The following PLPPR5 variants were observed in gnomAD, a reference collection of about 807,000 sequenced individuals.
PLPPR5 encodes the protein phospholipid phosphatase-related protein type 5.
In PLPPR5, 16 loss-of-function variants were observed where a neutral mutation model predicts 33.9. The observed-to-expected ratio is 0.47, with a 90% confidence interval of 0.32 to 0.72. The LOEUF (loss-of-function observed/expected upper bound fraction) is 0.72, where lower values mean the gene tolerates loss of function less well. Among genes scored for constraint, PLPPR5 ranks in the 30% least tolerant of loss-of-function variants. The pLI, the probability that PLPPR5 is intolerant of heterozygous loss-of-function variation, is 0.03. For missense variants in PLPPR5, 301 were observed against 406.7 expected, an observed-to-expected ratio of 0.74 and a Z score of 2.23; for synonymous variants, 163 against 150.3, an observed-to-expected ratio of 1.08 and a Z score of -0.62.
At chr1:98,969,593 C>A (rs1651582531) in intron 1 of PLPPR5, among the ~76,000 whole-genome samples, 1 of 151,952 alleles carries the variant, frequency 6.6e-6, no homozygotes, top group Admixed American at 6.6e-5. Context: ...TATGGAAGAC[C>A]TATACTTTTC....
At chr1:98,956,124 G>C (rs1341157475) in intron 2 of PLPPR5, among the ~76,000 whole-genome samples, 2 of 151,982 alleles carry the variant, frequency 1.3e-5, no homozygotes, top group South Asian at 4.2e-4. Flanking sequence ...CTTATCCTTC[G>C]TGATGTTCGA....
rs1648230374 is a variant in PLPPR5 at position 98,890,385 on chromosome 1, G to GA, written c.*2686dup. 1 of 152,460 alleles carries GA rather than the reference G, an allele frequency of 6.6e-6. No homozygotes were observed. Among genetic ancestry groups the GA allele is most frequent in the Non-Finnish European group, 1.5e-5 (1 of 67,972 alleles). 9.4% of individuals were successfully genotyped at this position (152,460 alleles called of 1,614,324 possible). On this transcript the variant is annotated 3_prime_UTR_variant, in exon 6 of 6. Transcript: ENST00000263177. ...GATATTTGGCTAGGATAGATCCTGA[G>GA]AAAAGAGAGGCCCAGTTAGAAGTGG...
At chr1:98,964,277 G>A (rs1392449749) in intron 1 of PLPPR5, among the ~76,000 whole-genome samples, 1 of 152,192 alleles carries the variant, frequency 6.6e-6, no homozygotes, top group Non-Finnish European at 1.5e-5. Flanking sequence ...ATGATGAACA[G>A]TGTTAACTGA....
At chr1:98,986,206 G>A (rs146619318) in intron 1 of PLPPR5, among the ~76,000 whole-genome samples, 45 of 151,916 alleles carry the variant, frequency 3.0e-4, no homozygotes, top group Admixed American at 5.3e-4. Flanking sequence ...CTGAACATAT[G>A]TTTAAAGTAT....
chr1:98,966,677 C>T (rs1651460923), intron 1 of PLPPR5, among the ~76,000 whole-genome samples: 1 of 152,102 alleles, frequency 6.6e-6, no homozygotes, highest in Admixed American at 6.6e-5. Context: ...TGGATTTGAT[C>T]CTTTGAGTTG....
intron 5 of PLPPR5, among the ~76,000 whole-genome samples, chr1:98,908,086 G>T (rs1648974791): frequency 1.3e-5 from 2 of 152,178 alleles, no homozygotes; most frequent in Admixed American, 1.3e-4. Context: ...TCAAAATGGT[G>T]TTGATCCAAG....
intron 1 of PLPPR5, among the ~76,000 whole-genome samples, chr1:98,974,077 G>C (rs1426634215): frequency 6.6e-6 from 1 of 151,932 alleles, no homozygotes; most frequent in African/African-American, 2.4e-5. Context: ...GAGGAGAAAA[G>C]AGCAAAGGGA....
chr1:99,001,669 A>AAGATAGATATATATAT (rs370587528), intron 1 of PLPPR5, among the ~76,000 whole-genome samples: 1 of 64,328 alleles, frequency 1.6e-5, no homozygotes, highest in Non-Finnish European at 3.0e-5. Context: ...TTGAAAGTTA[A>AAGATAGATATATATAT]AGATATATAT....
chr1:98,918,958 C>T (rs1649455863), intron 4 of PLPPR5, among the ~76,000 whole-genome samples: 1 of 152,148 alleles, frequency 6.6e-6, no homozygotes, highest in African/African-American at 2.4e-5. Flanking sequence ...AAAAAGACTT[C>T]ACAGGGAGCT....
intron 1 of PLPPR5, among the ~76,000 whole-genome samples, chr1:98,991,838 T>C (rs189025660): frequency 4.5e-4 from 69 of 152,182 alleles, no homozygotes; most frequent in African/African-American, 1.5e-3. Context: ...GCTAACCAGA[T>C]AGCTAATGAT....
At chr1:98,951,905 T>G (rs983288502) in intron 3 of PLPPR5, among the ~76,000 whole-genome samples, 4 of 152,172 alleles carry the variant, frequency 2.6e-5, no homozygotes, top group Non-Finnish European at 4.4e-5. Context: ...CTCTTGTTAA[T>G]GAGCTGAAAT....
In PLPPR5 at chr1:98,953,071, G is replaced by A; in HGVS notation, c.620C>T (p.Thr207Ile). The A allele has an allele frequency of 6.2e-7, 1 of 1,613,976 alleles. No homozygotes were observed. Among genetic ancestry groups the A allele is most frequent in the South Asian group, 1.1e-5 (1 of 91,086 alleles). ...AACAAATTTATAATCCTTACTTACG[G>A]TCAGATACATAGCTGCATAGACACT... Reference protein sequence around the residue: ...ALSVYAAMYLTMYITNTIKAK... With the variant: ...ALSVYAAMYLIMYITNTIKAK... Residue 207 changes from threonine (T) to isoleucine (I), a missense_variant and splice_region_variant, in exon 3 of 6, where the codon ACC (threonine) becomes ATC (isoleucine). Thr to Ile is a moderately conservative substitution (Grantham distance 89, BLOSUM62 -1). Coordinates refer to ENST00000263177, the MANE Select transcript of PLPPR5 (RefSeq NM_001037317.2).
chr1:98,959,528 G>A (rs1160747108), intron 1 of PLPPR5, among the ~76,000 whole-genome samples: 1 of 152,114 alleles, frequency 6.6e-6, no homozygotes, highest in Non-Finnish European at 1.5e-5. Flanking sequence ...AAGTCCTCAG[G>A]AATCCAGGCA....
intron 3 of PLPPR5, among the ~76,000 whole-genome samples, chr1:98,928,407 A>G (rs1415053984): frequency 6.6e-6 from 1 of 151,622 alleles, no homozygotes; most frequent in Non-Finnish European, 1.5e-5. Context: ...ATTTTGAAAA[A>G]GAAAAATGCA....
At chr1:98,900,700 A>T (rs1871787) in intron 5 of PLPPR5, among the ~76,000 whole-genome samples, 127,596 of 152,064 alleles carry the variant, frequency 0.84, 53,694 homozygotes, top group Non-Finnish European at 0.86. Context: ...TAAATAAGCA[A>T]CCTAACACTA....
intron 3 of PLPPR5, among the ~76,000 whole-genome samples, chr1:98,939,260 T>C (rs568499593): frequency 9.9e-5 from 15 of 152,116 alleles, no homozygotes; most frequent in African/African-American, 3.6e-4. Flanking sequence ...TATTATCACA[T>C]AGTTATTACT....
chr1:98,930,588 A>T (rs1649927509), intron 3 of PLPPR5, among the ~76,000 whole-genome samples: 1 of 152,236 alleles, frequency 6.6e-6, no homozygotes, highest in African/African-American at 2.4e-5. Flanking sequence ...TAGGTTTGTG[A>T]TCAGCAACAA....
intron 5 of PLPPR5, among the ~76,000 whole-genome samples, chr1:98,893,618 C>CTTTTTTTTT (rs58092144): frequency 3.0e-4 from 27 of 90,098 alleles, no homozygotes; most frequent in African/African-American, 1.0e-3. Context: ...TTCACAGCGC[C>CTTTTTTTTT]TTTTTTTTTT....
intron 5 of PLPPR5, among the ~76,000 whole-genome samples, chr1:98,900,357 C>G (rs750792693): frequency 2.6e-5 from 4 of 152,078 alleles, no homozygotes; most frequent in Non-Finnish European, 5.9e-5. Context: ...AAGATCTCCC[C>G]TAAGATGACG....
Sources: allele counts gnomAD v4.1 joint callset (sites outside exome capture counted in the v4.1 genomes callset), GRCh38; gene constraint gnomAD v4.1.1; transcripts MANE v1.5; gene names NCBI Gene and HGNC (gene_info 2026-07-23, HGNC 2026-07-21).